RRBP1: variants seen among roughly 807,000 people sequenced by gnomAD.
RRBP1 encodes ribosome binding protein 1.
RRBP1 carries 94 observed loss-of-function variants against 165.2 expected under a neutral mutation model. The observed-to-expected ratio is 0.57, with a 90% CI of 0.48 to 0.68. The LOEUF (loss-of-function observed/expected upper bound fraction) is 0.68, where lower values mean the gene tolerates loss of function less well. RRBP1 is among the 30% of genes least tolerant of loss of function. The pLI is 0.00. For missense variants in RRBP1, 1,676 were observed against 1,763.0 expected, an observed-to-expected ratio of 0.95 and a Z score of 0.88; for synonymous variants, 680 against 714.5, an observed-to-expected ratio of 0.95 and a Z score of 0.77.
chr20:17,645,300 C>A (rs568038811), intron 3 of RRBP1, among the ~76,000 whole-genome samples: 1 of 152,254 alleles, frequency 6.6e-6, no homozygotes, highest in African/African-American at 2.4e-5. Flanking sequence ...AGAGTGTTCT[C>A]GGAGCGGCAT....
At chr20:17,661,221 TA>T (rs767629310) in intron 2 of RRBP1, among the ~76,000 whole-genome samples, 4 of 152,170 alleles carry the variant, frequency 2.6e-5, no homozygotes, top group Non-Finnish European at 4.4e-5. Context: ...GGATCAGAGA[TA>T]AAAACTTCTG....
chr20:17,636,849 C>T (rs2036257955), intron 5 of RRBP1, 120 bp from the exon 6 acceptor site: 5 of 1,260,988 alleles, frequency 4.0e-6, no homozygotes, highest in Non-Finnish European at 5.5e-6. Flanking sequence ...ACCCCTCCTG[C>T]TGGCCGGGTT....
In RRBP1 at chr20:17,621,523, C is replaced by T. The variant is rs1344926818; in HGVS notation, c.3349G>A (p.Ala1117Thr). 1.9e-6 allele frequency: 3 copies of T among 1,612,868 alleles called. No homozygotes were observed. Among genetic ancestry groups the T allele is most frequent in the East Asian group, 4.5e-5 (2 of 44,870 alleles). The stretch of plus-strand genomic sequence containing the variant: ...TGCAGTGTGCTCTGCGTCTCCTCGG[C>T]CTCCCTCAACTTGGAGGCCAGGTCC... ...SSDLASKLREAEETQSTLQAE... is the reference protein window; with the variant it reads ...SSDLASKLRETEETQSTLQAE... The change falls in exon 16 of 25, where the codon GCC becomes ACC. Residue 1117 changes from alanine to threonine, a missense_variant. Ala to Thr is a moderately conservative substitution (Grantham distance 58). This residue lies in a region of RRBP1 where 1,184 missense variants were observed against 1,167.1 expected (regional missense o/e 1.01). Transcript: ENST00000377813.
intron 8 of RRBP1, among the ~76,000 whole-genome samples, chr20:17,632,893 T>C (rs2036179497): frequency 6.6e-6 from 1 of 151,942 alleles, no homozygotes; most frequent in African/African-American, 2.4e-5. Context: ...GGCACCCTCC[T>C]GGGAAAAAAG....
intron 11 of RRBP1, among the ~76,000 whole-genome samples, chr20:17,626,949 G>A (rs573127128): frequency 5.9e-5 from 9 of 152,188 alleles, no homozygotes; most frequent in Non-Finnish European, 1.0e-4. Context: ...GCCTGGGTTC[G>A]CCATTCTGGG....
At chr20:17,642,008 T>A in intron 4 of RRBP1, 89 bp from the exon 5 acceptor site, 1 of 1,404,010 alleles carries the variant, frequency 7.1e-7, no homozygotes, top group Non-Finnish European at 9.8e-7. Context: ...GCCTGAGGGC[T>A]TGATGAAGTG....
intron 3 of RRBP1, among the ~76,000 whole-genome samples, chr20:17,656,956 T>C (rs969670542): frequency 2.0e-5 from 3 of 152,214 alleles, no homozygotes; most frequent in African/African-American, 7.2e-5. Flanking sequence ...CAAGGTTCTT[T>C]ATTACCTGCA....
intron 12 of RRBP1, among the ~76,000 whole-genome samples, chr20:17,624,877 T>G (rs2035986812): frequency 1.3e-5 from 2 of 152,182 alleles, no homozygotes; most frequent in Admixed American, 6.5e-5. Flanking sequence ...GCGGGCAGCA[T>G]GGCACAGGGT....
rs776335311 is a variant in RRBP1, at chr20:17,635,638, C to G, written c.2364G>C (p.Glu788Asp). The G allele has an allele frequency of 3.8e-5, 61 of 1,613,458 alleles. No homozygotes were observed. Among genetic ancestry groups the G allele is most frequent in the Non-Finnish European group, 5.0e-5 (59 of 1,179,914 alleles). Residue 788 changes from glutamate (E) to aspartate (D), a missense_variant, in exon 7 of 25, where the codon GAG becomes GAC. Transcript: ENST00000377813. ...GGGCCAGCTGCGTGTTGGGGCCATT[C>G]TCCAGCTGCTCCTGAAGAGTCCGGA... ...GKIRTLQEQLENGPNTQLARL... is the reference protein window; with the variant it reads ...GKIRTLQEQLDNGPNTQLARL...
In RRBP1 at chr20:17,650,108, A is replaced by C. The variant is rs3790312; in HGVS notation, c.1913-6981T>G. Among the ~76,000 whole-genome samples, 3 of 152,204 alleles carry C rather than the reference A, an allele frequency of 2.0e-5. No homozygotes were observed. The East Asian group carries it at 5.8e-4, about 29-fold the overall frequency. Reference sequence around the variant, plus strand: ...TGAGAGTTCCATCAGCTTTGGTATAATGAGGGCCTGTTTATTTGACTTAGA... The same window carrying C: ...TGAGAGTTCCATCAGCTTTGGTATACTGAGGGCCTGTTTATTTGACTTAGA... On this transcript the variant is annotated intron_variant, in intron 3 of 24. Coordinates refer to ENST00000377813, the MANE Select transcript of RRBP1 (RefSeq NM_001365613.2).
intron 7 of RRBP1, among the ~76,000 whole-genome samples, chr20:17,634,503 G>A (rs1234688089): frequency 6.6e-6 from 1 of 152,226 alleles, no homozygotes; most frequent in Non-Finnish European, 1.5e-5. Context: ...GGAGGCGGAA[G>A]GTCGTGTGGT....
chr20:17,675,095 G>A (rs1391283631), intron 2 of RRBP1, among the ~76,000 whole-genome samples: 1 of 152,236 alleles, frequency 6.6e-6, no homozygotes, highest in East Asian at 1.9e-4. Flanking sequence ...GGGCTCCCAG[G>A]AGAGAGCCAA....
chr20:17,632,809 G>T (rs536322023), intron 8 of RRBP1, among the ~76,000 whole-genome samples: 1 of 152,210 alleles, frequency 6.6e-6, no homozygotes, highest in African/African-American at 2.4e-5. Flanking sequence ...CCTCTGGGCT[G>T]GGAAAACATG....
At chr20:17,620,217 C>G in intron 18 of RRBP1, 82 bp downstream of exon 18, 2 of 989,754 alleles carry the variant, frequency 2.0e-6, no homozygotes, top group Admixed American at 1.8e-5. Flanking sequence ...AGGAAGAAAT[C>G]AGTGAAGTGT....
chr20:17,642,612 G>A (rs538394428), intron 4 of RRBP1, among the ~76,000 whole-genome samples: 2 of 152,260 alleles, frequency 1.3e-5, no homozygotes, highest in African/African-American at 4.8e-5. Context: ...CCTGCCCCCG[G>A]CAGCACGACG....
intron 3 of RRBP1, among the ~76,000 whole-genome samples, chr20:17,653,700 G>A: frequency 6.6e-6 from 1 of 152,102 alleles, no homozygotes; most frequent in East Asian, 1.9e-4. Context: ...TGGGCGTGGT[G>A]GTGGGTGCCT....
chr20:17,642,101 C>A (rs1377424499), intron 4 of RRBP1, among the ~76,000 whole-genome samples, 182 bp from the exon 5 acceptor site: 7 of 152,220 alleles, frequency 4.6e-5, no homozygotes, highest in African/African-American at 1.7e-4. Context: ...CATCAGCCTG[C>A]CGGGACCCCT....
At position 17,659,532 on chromosome 20, in the gene RRBP1, G is replaced by C. The variant is rs2036717492; in HGVS notation, c.976C>G (p.Gln326Glu). Residue 326 changes from glutamine (Q) to glutamate (E), a missense_variant, in exon 3 of 25, where the codon CAG becomes GAG. Physicochemically the swap from Gln to Glu is conservative, Grantham distance 29. Coordinates refer to ENST00000377813, the MANE Select transcript of RRBP1 (RefSeq NM_001365613.2). Reference sequence around the variant, plus strand: ...CCCTCGGCCTTCTTGCCCTGGTTCTGGGCCCCCTCTCCCTTTTTGCCCTGA... The same window carrying C: ...CCCTCGGCCTTCTTGCCCTGGTTCTCGGCCCCCTCTCCCTTTTTGCCCTGA... ...QNQGKKGEGA[Q>E]NQGKKAEGAQ... 7 of 1,548,092 alleles carry C rather than the reference G, an allele frequency of 4.5e-6. No homozygotes were observed. The South Asian group carries it at 8.3e-5, about 18-fold the overall frequency.
intron 2 of RRBP1, among the ~76,000 whole-genome samples, chr20:17,672,081 C>A (rs1229508913): frequency 1.3e-5 from 2 of 152,190 alleles, no homozygotes. Context: ...ACTAGGTGGG[C>A]CAGGGAGGAA....
Sources: allele counts gnomAD v4.1 joint callset (sites outside exome capture counted in the v4.1 genomes callset), GRCh38; gene constraint gnomAD v4.1.1; regional missense constraint gnomAD v4.1.1; transcripts MANE v1.5; gene names NCBI Gene and HGNC (gene_info 2026-07-23, HGNC 2026-07-21).